Variants in RPS6KC1 observed in about 807,000 individuals in gnomAD.
RPS6KC1 encodes ribosomal protein S6 kinase C1.
A neutral mutation model predicts 103.8 loss-of-function variants in RPS6KC1; 54 were observed. The ratio of observed to expected loss-of-function variants is 0.52; its 90% CI spans 0.42 to 0.65. RPS6KC1 has a LOEUF of 0.65. Ranked by LOEUF, RPS6KC1 falls within the 30% of genes least tolerant of loss-of-function variation. The pLI, the probability that RPS6KC1 is intolerant of heterozygous loss-of-function variation, is 0.00. For missense variants in RPS6KC1, 1,151 were observed against 1,253.8 expected, an observed-to-expected ratio of 0.92 and a Z score of 1.24; for synonymous variants, 439 against 438.7, an observed-to-expected ratio of 1.00 and a Z score of -0.01.
chr1:213,138,335 T>G (rs2086620230), intron 6 of RPS6KC1, among the ~76,000 whole-genome samples: 1 of 152,184 alleles, frequency 6.6e-6, no homozygotes, highest in Non-Finnish European at 1.5e-5. Flanking sequence ...AGCAAGTCTT[T>G]TGGGGCCATT....
the RPS6KC1 span, among the ~76,000 whole-genome samples, chr1:213,390,836 T>C: frequency 1.3e-5 from 2 of 152,166 alleles, no homozygotes; most frequent in East Asian, 3.8e-4. Context: ...TTGACCTTGA[T>C]CTTTATTTTG....
the RPS6KC1 span, among the ~76,000 whole-genome samples, chr1:213,562,010 A>G: frequency 1.3e-5 from 2 of 152,160 alleles, no homozygotes; most frequent in African/African-American, 4.8e-5. Context: ...TAGAGCCACT[A>G]ATTTTACCTT....
the RPS6KC1 span, among the ~76,000 whole-genome samples, chr1:213,350,289 G>C: frequency 2.6e-5 from 4 of 152,156 alleles, no homozygotes; most frequent in Admixed American, 6.5e-5. Context: ...GAACTGACCT[G>C]GTTCTTTTTG....
chr1:213,790,427 T>C, the RPS6KC1 span, among the ~76,000 whole-genome samples: 2 of 152,270 alleles, frequency 1.3e-5, no homozygotes, highest in South Asian at 2.1e-4. Flanking sequence ...GTACACATAG[T>C]CCTTGTTCTT....
chr1:213,529,961 T>G, the RPS6KC1 span, among the ~76,000 whole-genome samples: 1 of 152,166 alleles, frequency 6.6e-6, no homozygotes, highest in East Asian at 1.9e-4. Flanking sequence ...CTTAGAGCTT[T>G]GGGGGCCCAC....
the RPS6KC1 span, among the ~76,000 whole-genome samples, chr1:213,546,924 G>T: frequency 1.3e-5 from 2 of 152,074 alleles, no homozygotes; most frequent in African/African-American, 4.8e-5. Flanking sequence ...TGCACATGTG[G>T]GTCTAGCTAA....
At chr1:213,490,379 A>G in the RPS6KC1 span, among the ~76,000 whole-genome samples, 1 of 152,168 alleles carries the variant, frequency 6.6e-6, no homozygotes, top group South Asian at 2.1e-4. Flanking sequence ...CCGGCTGAAG[A>G]GTCCAAGATT....
chr1:213,152,514 C>T (rs868070904), intron 6 of RPS6KC1, among the ~76,000 whole-genome samples: 6 of 151,424 alleles, frequency 4.0e-5, no homozygotes, highest in Middle Eastern at 3.4e-3. Context: ...GGGCTCCTCA[C>T]TTCTCAGACG....
At chr1:213,195,878 G>C (rs779605388) in intron 8 of RPS6KC1, among the ~76,000 whole-genome samples, 3 of 151,408 alleles carry the variant, frequency 2.0e-5, no homozygotes, top group Non-Finnish European at 2.9e-5. Context: ...TTATCTACTT[G>C]TTGGTAATGG....
At chr1:213,722,221 C>T in the RPS6KC1 span, among the ~76,000 whole-genome samples, 44 of 152,202 alleles carry the variant, frequency 2.9e-4, no homozygotes, top group South Asian at 1.0e-3. Context: ...TTGCTCATTT[C>T]CTCCAGGAAT....
chr1:213,645,185 T>G, the RPS6KC1 span, among the ~76,000 whole-genome samples: 1 of 152,182 alleles, frequency 6.6e-6, no homozygotes, highest in African/African-American at 2.4e-5. Flanking sequence ...GAGCACAGAC[T>G]GAAGATGACG....
the RPS6KC1 span, among the ~76,000 whole-genome samples, chr1:213,796,011 C>T: frequency 0.42 from 63,471 of 151,906 alleles, 15,810 homozygotes; most frequent in African/African-American, 0.69. Context: ...ACAACAAAGC[C>T]GTGGTGAAAG....
intron 6 of RPS6KC1, among the ~76,000 whole-genome samples, chr1:213,151,182 C>T (rs2088779310): frequency 6.9e-6 from 1 of 144,088 alleles, no homozygotes; most frequent in African/African-American, 2.6e-5. Flanking sequence ...GACCCCCCCA[C>T]CTCCCTCCCG....
the RPS6KC1 span, among the ~76,000 whole-genome samples, chr1:213,351,644 A>G: frequency 6.6e-6 from 1 of 152,174 alleles, no homozygotes. Flanking sequence ...ACTGTGTGGC[A>G]TGGGGCTGAG....
chr1:213,620,218 A>G, the RPS6KC1 span, among the ~76,000 whole-genome samples: 1 of 152,230 alleles, frequency 6.6e-6, no homozygotes, highest in Non-Finnish European at 1.5e-5. Context: ...CCCCGATATT[A>G]TGGGTCAGAA....
chr1:213,153,356 G>GT (rs895064863), intron 6 of RPS6KC1, among the ~76,000 whole-genome samples: 5 of 151,996 alleles, frequency 3.3e-5, no homozygotes, highest in African/African-American at 9.7e-5. Context: ...GGCATTATAT[G>GT]TTTTTTTGTT....
the RPS6KC1 span, among the ~76,000 whole-genome samples, chr1:213,565,942 A>G: frequency 6.7e-6 from 1 of 150,370 alleles, no homozygotes; most frequent in African/African-American, 2.4e-5. Context: ...CTGGGCAACA[A>G]GAGTGAAACT....
At chr1:213,428,096 C>G in the RPS6KC1 span, among the ~76,000 whole-genome samples, 1 of 152,194 alleles carries the variant, frequency 6.6e-6, no homozygotes, top group Non-Finnish European at 1.5e-5. Context: ...AAGTGACTTC[C>G]TCTCTCAGGG....
At chr1:213,854,606 T>C in the RPS6KC1 span, among the ~76,000 whole-genome samples, 12 of 151,686 alleles carry the variant, frequency 7.9e-5, no homozygotes, top group East Asian at 2.3e-3. Context: ...TTGAGTTCCT[T>C]CTCTACTCTT....
Sources: gnomAD v4.1 joint callset for allele counts (sites outside exome capture counted in the v4.1 genomes callset) on GRCh38, gnomAD v4.1.1 for gene constraint, MANE v1.5 for transcripts, NCBI Gene and HGNC (gene_info 2026-07-23, HGNC 2026-07-21) for gene names.